Variants in KNG1 observed in about 807,000 individuals in gnomAD.
KNG1 encodes the protein kininogen 1, also known as kininogen-1.
Under a neutral mutation model 47.8 loss-of-function variants are expected in KNG1, and 23 were observed. That is an observed-to-expected ratio of 0.48 (90% CI 0.35 to 0.68). The LOEUF is 0.68. Ranked by LOEUF, KNG1 falls within the 30% of genes least tolerant of loss-of-function variation. The pLI, the probability that KNG1 is intolerant of heterozygous loss-of-function variation, is 0.01. For synonymous variants in KNG1, 277 were observed against 277.0 expected (o/e 1.00, Z 0.00); for missense variants, 762 against 790.2 (o/e 0.96, Z 0.43).
chr3:186,743,716 G>A lies in KNG1; in HGVS notation c.*1385G>A, dbSNP rs1239521420. On this transcript the variant is annotated 3_prime_UTR_variant, in exon 10 of 10. Coordinates refer to ENST00000644859, the MANE Select transcript of KNG1 (RefSeq NM_001102416.3). ...TACTATACTTACAGAGTCACCTAAGGTCCTGCGAGTACAAGGGTCGACCCC... is the reference window on the plus strand; with the variant it reads ...TACTATACTTACAGAGTCACCTAAGATCCTGCGAGTACAAGGGTCGACCCC... The A allele has an allele frequency of 3.1e-6, 5 of 1,613,470 alleles. No homozygotes were observed. Among genetic ancestry groups the A allele is most frequent in the African/African-American group, 1.3e-5 (1 of 74,882 alleles).
At chr3:186,723,311 AT>A (rs1478814170) in intron 3 of KNG1, among the ~76,000 whole-genome samples, 2 of 152,210 alleles carry the variant, frequency 1.3e-5, no homozygotes, top group African/African-American at 4.8e-5. Flanking sequence ...TATACAATAT[AT>A]TGTTGCTAAC....
chr3:186,731,470 A>G (rs1312755671), intron 5 of KNG1, 75 bp from the exon 6 acceptor site: 13 of 856,516 alleles, frequency 1.5e-5, no homozygotes, highest in Non-Finnish European at 2.4e-5. Context: ...CTATTCTTCA[A>G]TTTTACTAGT....
At chr3:186,740,180 T>C (rs1037986250) in intron 9 of KNG1, among the ~76,000 whole-genome samples, 1 of 152,206 alleles carries the variant, frequency 6.6e-6, no homozygotes, top group Non-Finnish European at 1.5e-5. Context: ...GTCATCTTTC[T>C]TTTTTAAGTC....
chr3:186,724,954 G>GC (rs1485704369), intron 3 of KNG1, 134 bp from the exon 4 acceptor site: 8 of 825,690 alleles, frequency 9.7e-6, no homozygotes, highest in Middle Eastern at 7.2e-4. Context: ...CAGGCGATCT[G>GC]CCCGCCTCAG....
Position 186,717,731 on chromosome 3 carries a change from T to C in KNG1, c.189T>C (p.Thr63=). ...QFVLYRITEA[T]KTVGSDTFYS... is the part of the protein sequence containing the mutation. ...TATTGTACCGCATAACTGAAGCCAC[T>C]AAGACGGTGAGTGAATTGTGTTTAA... The change falls in exon 1 of 10, where the codon ACT becomes ACC. Residue 63 remains threonine, a synonymous_variant. Coordinates refer to ENST00000644859, the MANE Select transcript of KNG1 (RefSeq NM_001102416.3). The C allele has an allele frequency of 6.2e-7, 1 of 1,611,348 alleles. No individual in the cohort carries two copies. The highest frequency in any genetic ancestry group is 1.1e-5 in the South Asian group (1 of 91,048).
rs781268489 is a variant in KNG1, at chr3:186,717,715, G to T, written c.173G>T (p.Arg58Leu). 2.5e-6 allele frequency: 4 copies of T among 1,612,532 alleles called. No individual in the cohort carries two copies. The highest frequency in any genetic ancestry group is 2.5e-6 in the Non-Finnish European group (3 of 1,179,470). ...NQSNNQFVLYRITEATKTVGS... is the reference protein window; with the variant it reads ...NQSNNQFVLYLITEATKTVGS... Reference sequence around the variant, plus strand: ...AGTAACAACCAGTTTGTATTGTACCGCATAACTGAAGCCACTAAGACGGTG... The same window carrying T: ...AGTAACAACCAGTTTGTATTGTACCTCATAACTGAAGCCACTAAGACGGTG... The change falls in exon 1 of 10, where the codon CGC becomes CTC. Residue 58 changes from arginine (R) to leucine (L), a missense_variant. Coordinates refer to ENST00000644859, the MANE Select transcript of KNG1 (RefSeq NM_001102416.3).
chr3:186,730,709 TATATATAC>T (rs1442269314), intron 5 of KNG1, among the ~76,000 whole-genome samples: 39 of 107,552 alleles, frequency 3.6e-4, no homozygotes, highest in African/African-American at 1.6e-3. Flanking sequence ...TATATATATA[TATATATAC>T]ACACACACAC....
chr3:186,724,357 G>A (rs902365845), intron 3 of KNG1, among the ~76,000 whole-genome samples: 1 of 152,160 alleles, frequency 6.6e-6, no homozygotes, highest in Non-Finnish European at 1.5e-5. Context: ...TATGGACTTT[G>A]CCTCTATTGA....
chr3:186,739,458 T>A, intron 9 of KNG1, 44 bp downstream of exon 9: 1 of 1,300,388 alleles, frequency 7.7e-7, no homozygotes, highest in South Asian at 1.2e-5. Context: ...TTCTGCTCAT[T>A]CTGAAAATCC....
In KNG1 at chr3:186,725,181, A is replaced by G. The variant is rs940757063; in HGVS notation, c.485A>G (p.His162Arg). 6.2e-7 allele frequency: 1 copy of G among 1,614,040 alleles called. No individual in the cohort carries two copies. Among genetic ancestry groups the G allele is most frequent in the Non-Finnish European group, 8.5e-7 (1 of 1,180,028 alleles). ...CCAGACCTGGAGCCCATTCTGAGAC[A>G]CGGCATTCAGTACTTTAACAACAAC... ...QSPDLEPILR[H>R]GIQYFNNNTQ... Residue 162 changes from histidine to arginine, a missense_variant, in exon 4 of 10, where the codon CAC becomes CGC. Physicochemically the swap from His to Arg is conservative, Grantham distance 29. Coordinates refer to ENST00000644859, the MANE Select transcript of KNG1 (RefSeq NM_001102416.3).
intron 4 of KNG1, among the ~76,000 whole-genome samples, chr3:186,727,022 G>A (rs911033217): frequency 2.7e-5 from 4 of 150,118 alleles, no homozygotes; most frequent in African/African-American, 4.9e-5. Flanking sequence ...AGCGGTGTAT[G>A]TGTGTGTGTG....
intron 1 of KNG1, 84 bp downstream of exon 1, chr3:186,717,821 C>CA: frequency 5.5e-6 from 5 of 906,768 alleles, no homozygotes; most frequent in South Asian, 1.4e-5. Flanking sequence ...CACACACATA[C>CA]CACCACCAGC....
At chr3:186,726,437 C>T (rs952083626) in intron 4 of KNG1, among the ~76,000 whole-genome samples, 3 of 151,724 alleles carry the variant, frequency 2.0e-5, no homozygotes, top group Admixed American at 2.0e-4. Context: ...TTACAGGCAC[C>T]CACCACCACG....
chr3:186,743,703 A>G lies in KNG1; in HGVS notation c.*1372A>G, dbSNP rs912876052. On this transcript the variant is annotated 3_prime_UTR_variant, in exon 10 of 10. Coordinates refer to ENST00000644859, the MANE Select transcript of KNG1 (RefSeq NM_001102416.3). ...ATTAACTGCGTTTTACTATACTTAC[A>G]GAGTCACCTAAGGTCCTGCGAGTAC... 1 of 1,611,784 alleles carries G rather than the reference A, an allele frequency of 6.2e-7. No homozygotes were observed. The highest frequency in any genetic ancestry group is 8.5e-7 in the Non-Finnish European group (1 of 1,177,974).
intron 4 of KNG1, 94 bp downstream of exon 4, chr3:186,725,354 C>T: frequency 8.0e-7 from 1 of 1,243,596 alleles, no homozygotes; most frequent in African/African-American, 1.5e-5. Context: ...GTGGTGTTTT[C>T]ATGTGACTAG....
chr3:186,729,704 G>C (rs822624), intron 5 of KNG1, among the ~76,000 whole-genome samples: 57,617 of 150,964 alleles, frequency 0.38, 11,100 homozygotes, highest in South Asian at 0.48. Context: ...CTGAGTTTTG[G>C]TCTTGTTGCC....
At position 186,741,587 on chromosome 3, in the gene KNG1, A is replaced by G; in HGVS notation, c.1191A>G (p.Lys397=). The change falls in exon 10 of 10, where the codon AAA becomes AAG. Residue 397 remains lysine, a synonymous_variant. Transcript: ENST00000644859. ...PFRSSRIGEI[K]EETTVSPPHT... is the part of the protein sequence containing the mutation. Reference sequence around the variant, plus strand: ...GATCATCACGAATAGGGGAAATAAAAGAAGAAACAACTGTAAGTCCACCCC... The same window carrying G: ...GATCATCACGAATAGGGGAAATAAAGGAAGAAACAACTGTAAGTCCACCCC... The G allele has an allele frequency of 6.2e-7, 1 of 1,609,808 alleles. No individual in the cohort carries two copies. Among genetic ancestry groups the G allele is most frequent in the Non-Finnish European group, 8.5e-7 (1 of 1,178,928 alleles).
At position 186,737,821 on chromosome 3, in the gene KNG1, A is replaced by G. The variant is rs375475263; in HGVS notation, c.931-1278A>G. Among the ~76,000 whole-genome samples, 10 of 152,208 alleles carry G rather than the reference A, an allele frequency of 6.6e-5. No individual in the cohort carries two copies. In the East Asian group the frequency reaches 1.9e-3, roughly 29 times the overall value. On this transcript the variant is annotated intron_variant, in intron 7 of 9. Transcript: ENST00000644859. ...GTGATCTGCCCGCCTCAGGCCCCCAAAGTGCTGGAATTACAGGCAGGAGCC... is the reference window on the plus strand; with the variant it reads ...GTGATCTGCCCGCCTCAGGCCCCCAGAGTGCTGGAATTACAGGCAGGAGCC...
Position 186,741,688 on chromosome 3 carries a change from G to A in KNG1, c.1292G>A (p.Trp431Ter), listed in dbSNP as rs759752842. 6.2e-7 allele frequency: 1 copy of A among 1,614,192 alleles called. No homozygotes were observed. The highest frequency in any genetic ancestry group is 8.5e-7 in the Non-Finnish European group (1 of 1,180,040). Residue 431 changes from tryptophan (W) to a stop codon, truncating the protein, a stop_gained, in exon 10 of 10, where the codon TGG becomes TAG. Transcript: ENST00000644859. LOFTEE classifies it low-confidence loss of function (END_TRUNC). ...CAAGGGCATACTCGTAGACATGACTGGGGCCATGAAAAACAAAGAAAACAT... is the reference window on the plus strand; with the variant it reads ...CAAGGGCATACTCGTAGACATGACTAGGGCCATGAAAAACAAAGAAAACAT... ...KEQGHTRRHDWGHEKQRKHNL... is the reference protein window; with the variant it reads ...KEQGHTRRHD
Sources: gnomAD v4.1 joint callset for allele counts (sites outside exome capture counted in the v4.1 genomes callset) on GRCh38, gnomAD v4.1.1 for gene constraint, MANE v1.5 for transcripts, NCBI Gene and HGNC (gene_info 2026-07-23, HGNC 2026-07-21) for gene names.